WDR11: variants seen among roughly 807,000 people sequenced by gnomAD.
The protein encoded by WDR11 is WD repeat domain 11.
Under a neutral mutation model 151.2 loss-of-function variants are expected in WDR11, and 83 were observed. The observed-to-expected ratio is 0.55, with a 90% CI of 0.46 to 0.66. The LOEUF is 0.66. Ranked by LOEUF, WDR11 falls within the 30% of genes least tolerant of loss-of-function variation. WDR11 has a pLI of 0.00. For missense variants in WDR11, 1,301 were observed against 1,480.9 expected, an observed-to-expected ratio of 0.88 and a Z score of 1.99; for synonymous variants, 484 against 533.1, an observed-to-expected ratio of 0.91 and a Z score of 1.27.
At position 120,906,870 on chromosome 10, in the gene WDR11, GTTGT is replaced by G; in HGVS notation, c.3517+20_3517+23del. The G allele has an allele frequency of 6.2e-7, 1 of 1,614,118 alleles. No individual in the cohort carries two copies. Among genetic ancestry groups the G allele is most frequent in the African/African-American group, 1.3e-5 (1 of 75,048 alleles). ...TGAGGACACAGATATCCTTTGCAAG[GTTGT>G]TTGTAGTGACGAGGAAGAAAGTGAC... On this transcript the variant is annotated intron_variant, in intron 28 of 28. Transcript: ENST00000263461.
intron 14 of WDR11, among the ~76,000 whole-genome samples, chr10:120,885,286 TACACAC>T (rs5788451): frequency 4.7e-5 from 7 of 147,462 alleles, no homozygotes; most frequent in South Asian, 2.2e-4. Context: ...TATATATATA[TACACAC>T]ACACACACAC....
chr10:120,883,745 A>G (rs1160064006), intron 13 of WDR11, 35 bp from the exon 14 acceptor site: 32 of 1,605,472 alleles, frequency 2.0e-5, no homozygotes, highest in Non-Finnish European at 2.6e-5. Flanking sequence ...AATTTTTGCA[A>G]AAAGGGGCTT....
In WDR11 at chr10:120,904,096, A is replaced by G; in HGVS notation, c.2981A>G (p.Tyr994Cys). ...VNLQEVKRST[Y>C]DHTRKCTDQL... ...CTGCAGGAAGTGAAACGGTCAACTTATGATCATACAAGGAAATGTACAGAC... is the reference window on the plus strand; with the variant it reads ...CTGCAGGAAGTGAAACGGTCAACTTGTGATCATACAAGGAAATGTACAGAC... Residue 994 changes from tyrosine to cysteine, a missense_variant, in exon 24 of 29, where the codon TAT (tyrosine) becomes TGT (cysteine). Coordinates refer to ENST00000263461, the MANE Select transcript of WDR11 (RefSeq NM_018117.12). The G allele has an allele frequency of 1.9e-6, 3 of 1,613,720 alleles. No individual in the cohort carries two copies. Among genetic ancestry groups the G allele is most frequent in the Non-Finnish European group, 2.5e-6 (3 of 1,179,728 alleles).
chr10:120,855,538 C>T (rs1385316282), intron 2 of WDR11, among the ~76,000 whole-genome samples: 2 of 151,692 alleles, frequency 1.3e-5, no homozygotes, highest in African/African-American at 4.8e-5. Flanking sequence ...ATTGTTGTTG[C>T]TTGTACTTTT....
intron 13 of WDR11, among the ~76,000 whole-genome samples, chr10:120,882,907 A>G (rs1392874100): frequency 6.6e-6 from 1 of 152,106 alleles, no homozygotes; most frequent in East Asian, 1.9e-4. Context: ...AGAAACTTAG[A>G]TAATTGAATT....
At chr10:120,882,528 A>G (rs1044047364) in intron 13 of WDR11, among the ~76,000 whole-genome samples, 2 of 142,194 alleles carry the variant, frequency 1.4e-5, no homozygotes, top group African/African-American at 5.3e-5. Context: ...AAGTTTTTAA[A>G]TACAAATTCA....
intron 10 of WDR11, 134 bp downstream of exon 10, chr10:120,871,480 C>T (rs1846539916): frequency 1.1e-6 from 1 of 901,606 alleles, no homozygotes; most frequent in Non-Finnish European, 1.6e-6. Flanking sequence ...ACTGTAAATA[C>T]TCATCCTGGA....
rs746741057 is a variant in WDR11 at position 120,851,371 on chromosome 10, G to C, written c.-50G>C. ...TGTTTGGAACGGAAGCACAGTGTCCGCCGCTTCCTGGTTGCGGGTCAGCGC... is the reference window on the plus strand; with the variant it reads ...TGTTTGGAACGGAAGCACAGTGTCCCCCGCTTCCTGGTTGCGGGTCAGCGC... On this transcript the variant is annotated 5_prime_UTR_variant, in exon 1 of 29. Coordinates refer to ENST00000263461, the MANE Select transcript of WDR11 (RefSeq NM_018117.12). 1.3e-6 allele frequency: 2 copies of C among 1,541,140 alleles called. No individual in the cohort carries two copies. Among genetic ancestry groups the C allele is most frequent in the Non-Finnish European group, 8.9e-7 (1 of 1,129,832 alleles).
At chr10:120,881,018 A>G in intron 13 of WDR11, 117 bp downstream of exon 13, 1 of 890,062 alleles carries the variant, frequency 1.1e-6, no homozygotes, top group Non-Finnish European at 1.8e-6. Flanking sequence ...TTTTAGTGAT[A>G]GCAAATGGTG....
rs1311007863 is a variant in WDR11, at chr10:120,908,982, C to T, written c.*269C>T. ...TACTTTGGGAGAGAGCTTTAAGAGT[C>T]CCTGGAAATACTTTTTAATTTTTTT... On this transcript the variant is annotated 3_prime_UTR_variant, in exon 29 of 29. Coordinates refer to ENST00000263461, the MANE Select transcript of WDR11 (RefSeq NM_018117.12). 2.3e-6 allele frequency: 1 copy of T among 429,170 alleles called. No homozygotes were observed. Among genetic ancestry groups the T allele is most frequent in the African/African-American group, 2.0e-5 (1 of 50,526 alleles). The allele number at this position is 429,170 out of a possible 1,614,324, so 26.6% of individuals were successfully genotyped here. A position where few individuals can be genotyped will look rare whatever the true frequency, so the allele number is the denominator to read the frequency against.
chr10:120,862,146 GTT>G (rs1024130533), intron 4 of WDR11, among the ~76,000 whole-genome samples: 1 of 146,340 alleles, frequency 6.8e-6, no homozygotes. Context: ...TTTTGTTTTT[GTT>G]TTTTTTTTTT....
intron 17 of WDR11, 147 bp downstream of exon 17, chr10:120,889,331 G>A (rs1212877457): frequency 7.8e-6 from 5 of 643,894 alleles, no homozygotes; most frequent in Non-Finnish European, 1.1e-5. Context: ...TCTGACTCCC[G>A]GGTTCATGCC....
At chr10:120,902,378 C>A (rs574868003) in intron 22 of WDR11, 56 bp downstream of exon 22, 18 of 1,490,142 alleles carry the variant, frequency 1.2e-5, no homozygotes, top group Middle Eastern at 3.5e-4. Flanking sequence ...TAACTCATTT[C>A]TTTTAAGGGT....
At chr10:120,905,298 G>C (rs746322981) in intron 25 of WDR11, 21 bp from the exon 26 acceptor site, 1 of 1,612,524 alleles carries the variant, frequency 6.2e-7, no homozygotes, top group Non-Finnish European at 8.5e-7. Context: ...TCACTTAAGG[G>C]GATGCGCTTT....
intron 9 of WDR11, 106 bp from the exon 10 acceptor site, chr10:120,871,064 A>T (rs1270673298): frequency 1.7e-6 from 2 of 1,160,648 alleles, no homozygotes; most frequent in African/African-American, 3.1e-5. Flanking sequence ...CATTAACTAC[A>T]TTATACTTTT....
chr10:120,877,736 A>G, intron 11 of WDR11, among the ~76,000 whole-genome samples: 1 of 152,238 alleles, frequency 6.6e-6, no homozygotes, highest in East Asian at 1.9e-4. Context: ...TAACTTTTAG[A>G]AAGTTGTTTT....
chr10:120,879,775 A>C (rs925476149), intron 12 of WDR11: 12 of 152,186 alleles, frequency 7.9e-5, no homozygotes, highest in African/African-American at 2.4e-4. Flanking sequence ...CACATGATGG[A>C]ATCTCAACAA....
chr10:120,886,999 T>C (rs965335327), intron 16 of WDR11, among the ~76,000 whole-genome samples, 163 bp downstream of exon 16: 5 of 152,266 alleles, frequency 3.3e-5, no homozygotes, highest in Non-Finnish European at 7.3e-5. Context: ...TGCTAGAGAA[T>C]AACGCTGTAA....
chr10:120,868,006 C>A (rs1414293534), intron 9 of WDR11, among the ~76,000 whole-genome samples: 1 of 151,972 alleles, frequency 6.6e-6, no homozygotes. Flanking sequence ...GTAAATATGC[C>A]AAGCAATTTG....
Sources: gnomAD v4.1 joint callset for allele counts (sites outside exome capture counted in the v4.1 genomes callset) on GRCh38, gnomAD v4.1.1 for gene constraint, MANE v1.5 for transcripts, NCBI Gene and HGNC (gene_info 2026-07-23, HGNC 2026-07-21) for gene names.